The following PIK3R4 variants were observed in gnomAD, a reference collection of about 807,000 sequenced individuals.
PIK3R4 encodes phosphoinositide-3-kinase regulatory subunit 4, also known as phosphoinositide 3-kinase regulatory subunit 4.
In PIK3R4, 46 loss-of-function variants were observed where a neutral mutation model predicts 136.5. The observed-to-expected ratio is 0.34, with a 90% confidence interval of 0.27 to 0.43. The LOEUF (loss-of-function observed/expected upper bound fraction) is 0.43. Among genes scored for constraint, PIK3R4 ranks in the 20% least tolerant of loss-of-function variants. The pLI, the probability that PIK3R4 is intolerant of heterozygous loss-of-function variation, is 1.00. For synonymous variants in PIK3R4, 557 were observed against 566.7 expected (o/e 0.98, Z 0.24); for missense variants, 1,331 against 1,649.5 (o/e 0.81, Z 3.35).
chr3:130,690,042 C>T (rs1272670452), intron 14 of PIK3R4, among the ~76,000 whole-genome samples: 1 of 152,204 alleles, frequency 6.6e-6, no homozygotes, highest in Non-Finnish European at 1.5e-5. Context: ...TCCATGTCCC[C>T]ATCAACTTCA....
intron 13 of PIK3R4, among the ~76,000 whole-genome samples, chr3:130,694,961 TTTG>T (rs746177854): frequency 2.6e-5 from 4 of 152,102 alleles, no homozygotes; most frequent in Non-Finnish European, 5.9e-5. Flanking sequence ...TACTAACTGG[TTTG>T]TTGAGTTGGT....
At chr3:130,741,933 C>T (rs920480852) in intron 2 of PIK3R4, among the ~76,000 whole-genome samples, 1 of 152,200 alleles carries the variant, frequency 6.6e-6, no homozygotes, top group Non-Finnish European at 1.5e-5. Context: ...TCGATGGGTT[C>T]TTGGAAACTG....
chr3:130,720,930 G>A (rs140840398), intron 7 of PIK3R4, among the ~76,000 whole-genome samples: 2,361 of 152,208 alleles, frequency 0.016, 22 homozygotes, highest in Middle Eastern at 0.048. Flanking sequence ...CCAGCTACTC[G>A]AGAGGATGAG....
chr3:130,679,287 T>C lies in PIK3R4; in HGVS notation c.*28A>G. 7.2e-7 allele frequency: 1 copy of C among 1,396,090 alleles called. No homozygotes were observed. The highest frequency in any genetic ancestry group is 9.7e-7 in the Non-Finnish European group (1 of 1,026,850). 86.5% of individuals were successfully genotyped at this position (1,396,090 alleles called of 1,614,324 possible). On this transcript the variant is annotated 3_prime_UTR_variant, in exon 20 of 20. Coordinates refer to ENST00000356763, the MANE Select transcript of PIK3R4 (RefSeq NM_014602.3). Reference sequence around the variant, plus strand: ...CGAGTTATAGTATTATATTTATAACTATTAAAATTTATACAAATCAGTAGG... The same window carrying C: ...CGAGTTATAGTATTATATTTATAACCATTAAAATTTATACAAATCAGTAGG...
intron 6 of PIK3R4, 51 bp downstream of exon 6, chr3:130,728,412 T>G (rs779741744): frequency 4.4e-6 from 5 of 1,138,958 alleles, no homozygotes; most frequent in Non-Finnish European, 6.3e-6. Flanking sequence ...CATGGAAGTA[T>G]TTGAGAGGAT....
intron 16 of PIK3R4, among the ~76,000 whole-genome samples, chr3:130,682,697 C>T (rs1394349775): frequency 6.6e-6 from 1 of 152,178 alleles, no homozygotes. Flanking sequence ...TCTGCTGTTA[C>T]CAGCCCATAT....
intron 10 of PIK3R4, 130 bp downstream of exon 10, chr3:130,708,161 G>A: frequency 1.4e-6 from 1 of 697,870 alleles, no homozygotes. Flanking sequence ...GCTAAGTAAT[G>A]GAGTCACTGT....
intron 6 of PIK3R4, among the ~76,000 whole-genome samples, chr3:130,727,219 A>C (rs2066736695): frequency 6.6e-6 from 1 of 151,956 alleles, no homozygotes; most frequent in Non-Finnish European, 1.5e-5. Context: ...ACCAAAACTT[A>C]AAGTCTTTTT....
At chr3:130,741,935 T>C (rs1202618491) in intron 2 of PIK3R4, among the ~76,000 whole-genome samples, 1 of 152,218 alleles carries the variant, frequency 6.6e-6, no homozygotes, top group African/African-American at 2.4e-5. Flanking sequence ...GATGGGTTCT[T>C]GGAAACTGCA....
intron 5 of PIK3R4, among the ~76,000 whole-genome samples, chr3:130,729,491 A>G (rs2066750448): frequency 6.6e-6 from 1 of 152,100 alleles, no homozygotes; most frequent in Admixed American, 6.5e-5. Context: ...CTCCCCAAAA[A>G]TTTTACCATT....
At chr3:130,706,752 T>C (rs1311956759) in intron 11 of PIK3R4, among the ~76,000 whole-genome samples, 196 bp downstream of exon 11, 1 of 152,194 alleles carries the variant, frequency 6.6e-6, no homozygotes, top group African/African-American at 2.4e-5. Flanking sequence ...ATGAGATCTT[T>C]TTAGTACTTT....
intron 6 of PIK3R4, 23 bp downstream of exon 6, chr3:130,728,440 G>T: frequency 1.3e-6 from 2 of 1,484,322 alleles, no homozygotes; most frequent in South Asian, 1.2e-5. Context: ...AATCTTAAAG[G>T]AATTTAAAAG....
chr3:130,745,348 C>G, intron 1 of PIK3R4, 84 bp from the exon 2 acceptor site: 1 of 931,736 alleles, frequency 1.1e-6, no homozygotes, highest in South Asian at 1.8e-5. Flanking sequence ...TTGGTCTCTT[C>G]CAAAAAGACA....
At chr3:130,712,941 T>C (rs1287359363) in intron 9 of PIK3R4, among the ~76,000 whole-genome samples, 1 of 152,212 alleles carries the variant, frequency 6.6e-6, no homozygotes, top group Non-Finnish European at 1.5e-5. Flanking sequence ...TGTAGGAGTG[T>C]AGGCTTTGGA....
chr3:130,679,337 C>T lies in PIK3R4; in HGVS notation c.4055G>A (p.Gly1352Glu). The change falls in exon 20 of 20, where the codon GGG becomes GAG. Residue 1352 changes from glycine to glutamate, a missense_variant. Physicochemically the swap from Gly to Glu is moderately conservative, Grantham distance 98 (BLOSUM62 -2). Transcript: ENST00000356763. ...QGFIVTASRD[G>E]IVKVWK ...GTTTTATTTCCACACCTTCACAATC[C>T]CATCTCTAGAAGCAGTTACGATGAA... 1 of 1,606,024 alleles carries T rather than the reference C, an allele frequency of 6.2e-7. No homozygotes were observed. The highest frequency in any genetic ancestry group is 8.5e-7 in the Non-Finnish European group (1 of 1,175,182).
intron 7 of PIK3R4, among the ~76,000 whole-genome samples, chr3:130,719,691 A>G (rs2066688044): frequency 6.6e-6 from 1 of 152,182 alleles, no homozygotes; most frequent in Non-Finnish European, 1.5e-5. Flanking sequence ...GAACTGTATT[A>G]TACTGAATTA....
At chr3:130,684,175 T>C in intron 16 of PIK3R4, 75 bp downstream of exon 16, 4 of 1,334,196 alleles carry the variant, frequency 3.0e-6, no homozygotes, top group Non-Finnish European at 4.2e-6. Context: ...ACTAAAAACA[T>C]GAGTTTTGGC....
At chr3:130,684,178 G>GT in intron 16 of PIK3R4, 72 bp downstream of exon 16, 2 of 1,387,906 alleles carry the variant, frequency 1.4e-6, no homozygotes, top group Non-Finnish European at 2.0e-6. Context: ...AAAAACATGA[G>GT]TTTTGGCAAC....
At chr3:130,703,005 C>A (rs1244692593) in intron 13 of PIK3R4, among the ~76,000 whole-genome samples, 3 of 152,190 alleles carry the variant, frequency 2.0e-5, no homozygotes, top group African/African-American at 7.2e-5. Flanking sequence ...TGCTACCAAG[C>A]GACCAGCTCT....
Sources: gnomAD v4.1 joint callset for allele counts (sites outside exome capture counted in the v4.1 genomes callset) on GRCh38, gnomAD v4.1.1 for gene constraint, MANE v1.5 for transcripts, NCBI Gene and HGNC (gene_info 2026-07-23, HGNC 2026-07-21) for gene names.